Variants in ACOX2 observed in about 807,000 individuals in gnomAD.
The protein encoded by ACOX2 is peroxisomal acyl-coenzyme A oxidase 2.
In ACOX2, 59 loss-of-function variants were observed where a neutral mutation model predicts 77.5. That is an observed-to-expected ratio of 0.76 (90% confidence interval 0.62 to 0.95). The LOEUF (loss-of-function observed/expected upper bound fraction) is 0.95. Among genes scored for constraint, ACOX2 ranks in the 40% least tolerant of loss-of-function variants. The probability of loss-of-function intolerance (pLI) is 0.00; values close to 1 mark genes in which losing one functional copy is unlikely to be tolerated. For missense variants in ACOX2, 837 were observed against 880.4 expected, an observed-to-expected ratio of 0.95 and a Z score of 0.62; for synonymous variants, 317 against 340.1, an observed-to-expected ratio of 0.93 and a Z score of 0.75.
In ACOX2 at chr3:58,533,396, A is replaced by G. The variant is rs1204624933; in HGVS notation, c.583+49T>C. ...AGCCAGTGCTACTCTGCCCTCCAAC[A>G]TTCTTCTACTTGGGGAGAGTTAAGG... On this transcript the variant is annotated intron_variant, in intron 5 of 14. Transcript: ENST00000302819. This position sits in a 1 kb window ranked among gnomAD's most constrained non-coding sequence, Gnocchi z 5.6. 6.5e-7 allele frequency: 1 copy of G among 1,543,046 alleles called. No homozygotes were observed. Among genetic ancestry groups the G allele is most frequent in the East Asian group, 2.3e-5 (1 of 44,358 alleles).
intron 13 of ACOX2, among the ~76,000 whole-genome samples, chr3:58,516,508 C>T (rs538077163): frequency 1.1e-4 from 16 of 152,268 alleles, no homozygotes; most frequent in African/African-American, 3.9e-4. Context: ...TATGTAAAAG[C>T]TTTTGGCACA....
Position 58,524,536 on chromosome 3 carries a change from T to A in ACOX2, c.1416A>T (p.Pro472=). ...PGSTPQRSLS[P]SVAYLTAPDL... is the part of the protein sequence containing the mutation. ...CAGGTGCGGTGAGATATGCGACAGA[T>A]GGAGAGAGAGATCTCTGTGGCGTGG... Residue 472 remains proline (P), a synonymous_variant, in exon 11 of 15, where the codon CCA becomes CCT. Coordinates refer to ENST00000302819, the MANE Select transcript of ACOX2 (RefSeq NM_003500.4). The surrounding 1 kb of genome is among the most constrained non-coding windows in gnomAD (Gnocchi z 5.5). 6.2e-7 allele frequency: 1 copy of A among 1,614,078 alleles called. No homozygotes were observed. The highest frequency in any genetic ancestry group is 8.5e-7 in the Non-Finnish European group (1 of 1,179,986).
At position 58,510,697 on chromosome 3, in the gene ACOX2, TATATATATATATACACACACACAC is replaced by T. The variant is rs1209782384; in HGVS notation, c.1851-1696_1851-1673del. ...ATATATATATATATATATATATATATATATATATATATACACACACACACACACACACACACACACACACTCAAC... is the reference window on the plus strand; with the variant it reads ...ATATATATATATATATATATATATATACACACACACACACACACACTCAAC... On this transcript the variant is annotated intron_variant, in intron 13 of 14. Coordinates refer to ENST00000302819, the MANE Select transcript of ACOX2 (RefSeq NM_003500.4). Among the ~76,000 whole-genome samples the T allele has an allele frequency of 9.4e-3, 65 of 6,904 alleles. 11 individuals are homozygous for T. The highest frequency in any genetic ancestry group is 0.021 in the African/African-American group (59 of 2,874). 4.5% of individuals were successfully genotyped at this position (6,904 alleles called of 152,430 possible).
At position 58,523,414 on chromosome 3, in the gene ACOX2, T is replaced by C. The variant is rs2063373177; in HGVS notation, c.1527-813A>G. ...TATTTACTGATAGGTCCCTAATGCC[T>C]AGAACAGTGCCTGCCATATTATAGG... On this transcript the variant is annotated intron_variant, in intron 11 of 14. Coordinates refer to ENST00000302819, the MANE Select transcript of ACOX2 (RefSeq NM_003500.4). This position sits in a 1 kb window ranked among gnomAD's most constrained non-coding sequence, Gnocchi z 5.3. 6.6e-6 allele frequency among the ~76,000 whole-genome samples: 1 copy of C among 152,192 alleles called. No individual in the cohort carries two copies. The highest frequency in any genetic ancestry group is 6.5e-5 in the Admixed American group (1 of 15,276).
At chr3:58,508,769 A>G (rs1169219708) in intron 14 of ACOX2, 124 bp downstream of exon 14, 3 of 1,266,980 alleles carry the variant, frequency 2.4e-6, no homozygotes, top group Non-Finnish European at 3.2e-6. Flanking sequence ...TATTTTAAAC[A>G]GACGTGCTAC....
Position 58,534,240 on chromosome 3 carries a change from A to G in ACOX2, c.324-95T>C. The G allele has an allele frequency of 1.3e-6, 2 of 1,577,562 alleles. No individual in the cohort carries two copies. The highest frequency in any genetic ancestry group is 1.7e-6 in the Non-Finnish European group (2 of 1,164,178). On this transcript the variant is annotated intron_variant, in intron 3 of 14. Transcript: ENST00000302819. This position sits in a 1 kb window ranked among gnomAD's most constrained non-coding sequence, Gnocchi z 4.8. ...AGAGTACAGGAGATAAAGGGCACCT[A>G]GCATCCTGGTTTCCCAACAAGTCTT...
rs1204160659 is a variant in ACOX2, at chr3:58,512,381, T to G, written c.1851-3356A>C. Among the ~76,000 whole-genome samples, 1 of 152,244 alleles carries G rather than the reference T, an allele frequency of 6.6e-6. No homozygotes were observed. Among genetic ancestry groups the G allele is most frequent in the African/African-American group, 2.4e-5 (1 of 41,460 alleles). On this transcript the variant is annotated intron_variant, in intron 13 of 14. Coordinates refer to ENST00000302819, the MANE Select transcript of ACOX2 (RefSeq NM_003500.4). This position sits in a 1 kb window ranked among gnomAD's most constrained non-coding sequence, Gnocchi z 4.8. Reference sequence around the variant, plus strand: ...TGGATGATTGCATTAGCGATCCAGCTGATCTCCCTGCTTTTCACTCTTAGT... The same window carrying G: ...TGGATGATTGCATTAGCGATCCAGCGGATCTCCCTGCTTTTCACTCTTAGT...
chr3:58,532,954 A>G (rs1577001751), intron 5 of ACOX2, among the ~76,000 whole-genome samples: 1 of 152,290 alleles, frequency 6.6e-6, no homozygotes, highest in East Asian at 1.9e-4. Flanking sequence ...AGCAGGAGGT[A>G]CGGCGTTGGT....
Position 58,512,026 on chromosome 3 carries a change from T to TAC in ACOX2, c.1851-3003_1851-3002dup, listed in dbSNP as rs1408835808. On this transcript the variant is annotated intron_variant, in intron 13 of 14. Transcript: ENST00000302819. The surrounding 1 kb of genome is among the most constrained non-coding windows in gnomAD (Gnocchi z 4.8). ...TTCTCAAGGCTTTAAATATCAACCA[T>TAC]ACGCCAATGACTTCCAAACTTATCC... Among the ~76,000 whole-genome samples, 1 of 152,206 alleles carries TAC rather than the reference T, an allele frequency of 6.6e-6. No individual in the cohort carries two copies.
At chr3:58,511,111 C>T (rs1380429536) in intron 13 of ACOX2, 12 of 454,900 alleles carry the variant, frequency 2.6e-5, no homozygotes, top group East Asian at 7.0e-5. Context: ...TGCATTTATA[C>T]ATACAATGCT....
Position 58,526,757 on chromosome 3 carries a change from G to T in ACOX2, c.1156-101C>A. 7.7e-7 allele frequency: 1 copy of T among 1,293,584 alleles called. No individual in the cohort carries two copies. The highest frequency in any genetic ancestry group is 1.1e-6 in the Non-Finnish European group (1 of 937,712). The allele number at this position is 1,293,584 out of a possible 1,614,324, so 80.1% of individuals were successfully genotyped here. A position where few individuals can be genotyped will look rare whatever the true frequency, so the allele number is the denominator to read the frequency against. On this transcript the variant is annotated intron_variant, in intron 9 of 14. Coordinates refer to ENST00000302819, the MANE Select transcript of ACOX2 (RefSeq NM_003500.4). This position sits in a 1 kb window ranked among gnomAD's most constrained non-coding sequence, Gnocchi z 4.3. ...TGAGCATCTACTCATGCCCAGCTCA[G>T]CTCTGAGGTAAGAAGTGTTTCCTCT...
At chr3:58,511,340 G>T in intron 13 of ACOX2, 1 of 373,948 alleles carries the variant, frequency 2.7e-6, no homozygotes, top group Non-Finnish European at 5.2e-6. Context: ...GTGGGAAAGT[G>T]GTGCTGGTCC....
At position 58,523,800 on chromosome 3, in the gene ACOX2, G is replaced by A. The variant is rs1399480583; in HGVS notation, c.1526+626C>T. On this transcript the variant is annotated intron_variant, in intron 11 of 14. Transcript: ENST00000302819. This position sits in a 1 kb window ranked among gnomAD's most constrained non-coding sequence, Gnocchi z 5.3. ...AGCATTCAGAACGTTTTCTTTTTAGGTAGTTAAACCTCCATCTTTTCCATG... is the reference window on the plus strand; with the variant it reads ...AGCATTCAGAACGTTTTCTTTTTAGATAGTTAAACCTCCATCTTTTCCATG... Among the ~76,000 whole-genome samples, 2 of 152,078 alleles carry A rather than the reference G, an allele frequency of 1.3e-5. No homozygotes were observed. The highest frequency in any genetic ancestry group is 4.8e-5 in the African/African-American group (2 of 41,402).
At chr3:58,529,305 A>T (rs1446553453) in intron 8 of ACOX2, 1 of 170,260 alleles carries the variant, frequency 5.9e-6, no homozygotes, top group African/African-American at 2.4e-5. Context: ...TGCACCTGTG[A>T]TGATTTGAAC....
At chr3:58,517,634 G>T (rs375576470) in intron 12 of ACOX2, among the ~76,000 whole-genome samples, 1 of 146,642 alleles carries the variant, frequency 6.8e-6, no homozygotes, top group Non-Finnish European at 1.5e-5. Flanking sequence ...GCGGGGACGG[G>T]GGGGACTGGT....
At chr3:58,532,816 C>A (rs2063450654) in intron 5 of ACOX2, among the ~76,000 whole-genome samples, 1 of 152,194 alleles carries the variant, frequency 6.6e-6, no homozygotes, top group Admixed American at 6.5e-5. Context: ...AGGTGTGGGT[C>A]CCCAAGTGCC....
At chr3:58,517,768 G>A (rs1212716575) in intron 12 of ACOX2, among the ~76,000 whole-genome samples, 3 of 152,122 alleles carry the variant, frequency 2.0e-5, no homozygotes, top group African/African-American at 7.2e-5. Flanking sequence ...CAGCACCACT[G>A]TTCTTAAGAA....
intron 9 of ACOX2, among the ~76,000 whole-genome samples, chr3:58,527,660 C>A (rs758225358): frequency 2.0e-4 from 31 of 152,220 alleles, no homozygotes; most frequent in African/African-American, 7.0e-4. Context: ...GACTTCCCAG[C>A]CTCCAGAACT....
At chr3:58,518,899 C>T (rs188916952) in intron 12 of ACOX2, among the ~76,000 whole-genome samples, 1 of 152,108 alleles carries the variant, frequency 6.6e-6, no homozygotes, top group East Asian at 1.9e-4. Flanking sequence ...CTTGGCTTCC[C>T]AAAGTGCTGG....
Sources: gnomAD v4.1 joint callset for allele counts (sites outside exome capture counted in the v4.1 genomes callset) on GRCh38, gnomAD v4.1.1 for gene constraint, Gnocchi (gnomAD v3.1) non-coding constraint, MANE v1.5 for transcripts, NCBI Gene and HGNC (gene_info 2026-07-23, HGNC 2026-07-21) for gene names.